The following EPHA6 variants were observed in gnomAD, a reference collection of about 807,000 sequenced individuals.
EPHA6 encodes the protein EPH receptor A6.
Under a neutral mutation model 112.0 loss-of-function variants are expected in EPHA6, and 50 were observed. That is an observed-to-expected ratio of 0.45 (90% CI 0.36 to 0.56). The LOEUF (loss-of-function observed/expected upper bound fraction) is 0.56. EPHA6 is among the 20% of genes least tolerant of loss of function. The probability of loss-of-function intolerance (pLI) is 0.00; values close to 1 mark genes in which losing one functional copy is unlikely to be tolerated. For synonymous variants in EPHA6, 529 were observed against 490.7 expected, an observed-to-expected ratio of 1.08 and a Z score of -1.03; for missense variants, 1,280 against 1,417.4, an observed-to-expected ratio of 0.90 and a Z score of 1.56.
chr3:97,328,052 C>CATATATAA (rs1490094035), intron 5 of EPHA6, among the ~76,000 whole-genome samples: 1 of 56,996 alleles, frequency 1.8e-5, no homozygotes, highest in African/African-American at 8.6e-5. Flanking sequence ...CACATATATA[C>CATATATAA]ACATATATAT....
At chr3:96,938,401 T>C (rs1444918015) in intron 2 of EPHA6, among the ~76,000 whole-genome samples, 1 of 150,802 alleles carries the variant, frequency 6.6e-6, no homozygotes, top group Non-Finnish European at 1.5e-5. Flanking sequence ...ATGATTTGGC[T>C]CTCTGTTTGT....
intron 12 of EPHA6, among the ~76,000 whole-genome samples, chr3:97,598,124 C>A (rs954649272): frequency 4.0e-5 from 6 of 151,804 alleles, no homozygotes; most frequent in African/African-American, 1.5e-4. Flanking sequence ...AGTTAGTACC[C>A]ATTTTTATTT....
intron 14 of EPHA6, among the ~76,000 whole-genome samples, chr3:97,666,270 G>A (rs2030094571): frequency 6.6e-6 from 1 of 152,148 alleles, no homozygotes; most frequent in South Asian, 2.1e-4. Context: ...TAAGCACTTT[G>A]AGGAGAGAGA....
intron 2 of EPHA6, among the ~76,000 whole-genome samples, chr3:96,967,101 T>G (rs1214654693): frequency 5.3e-5 from 8 of 151,610 alleles, no homozygotes; most frequent in Admixed American, 5.3e-4. Flanking sequence ...GATAATCCCC[T>G]CTTTGAAAAA....
chr3:97,209,312 A>AAAC (rs2077801270), intron 3 of EPHA6, among the ~76,000 whole-genome samples: 2 of 151,346 alleles, frequency 1.3e-5, no homozygotes, highest in African/African-American at 2.4e-5. Flanking sequence ...CACACACACA[A>AAAC]ACACACACAC....
chr3:97,366,414 G>T (rs1409919097), intron 5 of EPHA6, among the ~76,000 whole-genome samples: 3 of 152,142 alleles, frequency 2.0e-5, no homozygotes, highest in South Asian at 4.1e-4. Context: ...AAATTTTTCA[G>T]CTATGGAAGA....
chr3:97,700,191 T>A (rs779957119), intron 14 of EPHA6, among the ~76,000 whole-genome samples: 1 of 152,186 alleles, frequency 6.6e-6, no homozygotes, highest in African/African-American at 2.4e-5. Flanking sequence ...AAACCATTCA[T>A]GTATGAAGAA....
At chr3:97,699,898 G>A (rs1449017558) in intron 14 of EPHA6, among the ~76,000 whole-genome samples, 1 of 152,162 alleles carries the variant, frequency 6.6e-6, no homozygotes, top group Non-Finnish European at 1.5e-5. Context: ...TTTAAGGGAT[G>A]GCAGAAATAT....
intron 11 of EPHA6, among the ~76,000 whole-genome samples, chr3:97,575,202 T>C (rs1400493696): frequency 6.6e-6 from 1 of 152,156 alleles, no homozygotes; most frequent in Non-Finnish European, 1.5e-5. Flanking sequence ...GGAAGTATGT[T>C]TTTAAATGCA....
intron 3 of EPHA6, among the ~76,000 whole-genome samples, chr3:96,991,271 C>A (rs1356368535): frequency 6.6e-6 from 1 of 152,088 alleles, no homozygotes; most frequent in Non-Finnish European, 1.5e-5. Flanking sequence ...CAAAACAGCC[C>A]AAAATGTATT....
At chr3:97,019,408 A>G (rs1263698016) in intron 3 of EPHA6, among the ~76,000 whole-genome samples, 1 of 152,096 alleles carries the variant, frequency 6.6e-6, no homozygotes, top group Non-Finnish European at 1.5e-5. Context: ...CCACAAATGC[A>G]GTTTTTTTTC....
At position 97,448,665 on chromosome 3, in the gene EPHA6, G is replaced by A. The variant is rs908944758; in HGVS notation, c.1829G>A (p.Arg610Gln). The A allele has an allele frequency of 2.1e-5, 34 of 1,613,370 alleles. No individual in the cohort carries two copies. Among genetic ancestry groups the A allele is most frequent in the Non-Finnish European group, 2.6e-5 (31 of 1,179,604 alleles). The change falls in exon 7 of 18, where the codon CGA becomes CAA. Residue 610 changes from arginine (R) to glutamine (Q), a missense_variant. Arg to Gln is a conservative substitution (Grantham distance 43). This residue lies in a region of EPHA6 where 878 missense variants were observed against 999.7 expected (regional missense o/e 0.88). Coordinates refer to ENST00000389672, the MANE Select transcript of EPHA6 (RefSeq NM_001080448.3). ...GCCACCAAATATGTATTTCACATCC[G>A]AGTGAGAACTGCGACAGGATACAGT... is the stretch of plus-strand genomic sequence containing the variant. ...KPATKYVFHI[R>Q]VRTATGYSGY... is the part of the protein sequence containing the mutation.
intron 5 of EPHA6, among the ~76,000 whole-genome samples, chr3:97,335,742 G>C (rs9851253): frequency 6.6e-6 from 1 of 152,128 alleles, no homozygotes; most frequent in African/African-American, 2.4e-5. Flanking sequence ...AATTGCAATA[G>C]AGAAAGAGTC....
At chr3:97,341,833 C>A (rs1235005755) in intron 5 of EPHA6, among the ~76,000 whole-genome samples, 1 of 152,022 alleles carries the variant, frequency 6.6e-6, no homozygotes, top group Non-Finnish European at 1.5e-5. Flanking sequence ...ATTTATATTA[C>A]CCCAGCAAAA....
At position 97,012,420 on chromosome 3, in the gene EPHA6, C is replaced by T. The variant is rs1276998916; in HGVS notation, c.1114+24427C>T. Among the ~76,000 whole-genome samples, 4 of 151,236 alleles carry T rather than the reference C, an allele frequency of 2.6e-5. No individual in the cohort carries two copies. In the East Asian group the frequency reaches 5.8e-4, roughly 22 times the overall value. On this transcript the variant is annotated intron_variant, in intron 3 of 17. Transcript: ENST00000389672. Reference sequence around the variant, plus strand: ...TAGCATTGACATCTCCGACTCTGGGCTCAGATGATCCTCCCATCTCAGCCT... The same window carrying T: ...TAGCATTGACATCTCCGACTCTGGGTTCAGATGATCCTCCCATCTCAGCCT...
At chr3:96,950,800 T>C (rs1049198324) in intron 2 of EPHA6, among the ~76,000 whole-genome samples, 121 of 152,150 alleles carry the variant, frequency 8.0e-4, no homozygotes, top group African/African-American at 2.6e-3. Flanking sequence ...CTTTTCCATG[T>C]TGATATGCCA....
chr3:97,063,595 C>A (rs911181094), intron 3 of EPHA6, among the ~76,000 whole-genome samples: 1 of 152,020 alleles, frequency 6.6e-6, no homozygotes, highest in Non-Finnish European at 1.5e-5. Flanking sequence ...TTAATGCATG[C>A]TGGGCTTAGT....
chr3:97,135,881 C>G (rs1360168385), intron 3 of EPHA6, among the ~76,000 whole-genome samples: 1 of 151,888 alleles, frequency 6.6e-6, no homozygotes, highest in Non-Finnish European at 1.5e-5. Context: ...CACACACGCA[C>G]CAGCAAGTTA....
intron 2 of EPHA6, among the ~76,000 whole-genome samples, chr3:96,879,951 G>A (rs528112578): frequency 1.2e-4 from 19 of 152,030 alleles, no homozygotes; most frequent in Admixed American, 2.6e-4. Flanking sequence ...CATCAGAAGC[G>A]AGGAGGATAG....
Sources: gnomAD v4.1 joint callset for allele counts (sites outside exome capture counted in the v4.1 genomes callset) on GRCh38, gnomAD v4.1.1 for gene constraint, gnomAD v4.1.1 regional missense constraint, MANE v1.5 for transcripts, NCBI Gene and HGNC (gene_info 2026-07-23, HGNC 2026-07-21) for gene names.